The following RAP1A variants were observed in gnomAD, a reference collection of about 807,000 sequenced individuals.
RAP1A encodes the protein RAP1A, member of RAS oncogene family, also known as ras-related protein Rap-1A.
In RAP1A, 6 loss-of-function variants were observed where a neutral mutation model predicts 26.4. The observed-to-expected ratio is 0.23, with a 90% confidence interval of 0.12 to 0.45. RAP1A has a LOEUF of 0.45. Ranked by LOEUF, RAP1A falls within the 20% of genes least tolerant of loss-of-function variation. The pLI is 0.99. For missense variants in RAP1A, 121 were observed against 217.2 expected, an observed-to-expected ratio of 0.56 and a Z score of 2.78; for synonymous variants, 73 against 79.4, an observed-to-expected ratio of 0.92 and a Z score of 0.43.
rs938649365 is a variant in RAP1A at position 111,715,705 on chromosome 1, T to C, written c.*3304T>C. 1 of 152,268 alleles carries C rather than the reference T, an allele frequency of 6.6e-6. No homozygotes were observed. The highest frequency in any genetic ancestry group is 1.9e-4 in the East Asian group (1 of 5,208). The allele number at this position is 152,268 out of a possible 1,614,324, so 9.4% of individuals were successfully genotyped here. ...ACTCCTCACTGAAATATTCTTCTTC[T>C]TTGAGGTTATAATGTACTTGGAAAA... On this transcript the variant is annotated 3_prime_UTR_variant, in exon 8 of 8. Transcript: ENST00000369709.
intron 1 of RAP1A, among the ~76,000 whole-genome samples, chr1:111,626,379 AC>A (rs1659397921): frequency 6.7e-6 from 1 of 148,330 alleles, no homozygotes; most frequent in Non-Finnish European, 1.5e-5. Flanking sequence ...ATACACACAC[AC>A]ACACACACAC....
chr1:111,582,454 C>T (rs1658275851), intron 1 of RAP1A, among the ~76,000 whole-genome samples: 3 of 152,186 alleles, frequency 2.0e-5, no homozygotes, highest in Admixed American at 1.3e-4. Flanking sequence ...ATTCCAAGCA[C>T]AGAGGTGTCT....
intron 1 of RAP1A, among the ~76,000 whole-genome samples, chr1:111,613,503 C>A (rs760209381): frequency 6.6e-6 from 1 of 152,122 alleles, no homozygotes; most frequent in Non-Finnish European, 1.5e-5. Context: ...CCGGCCAGCT[C>A]TTTCATTTCA....
chr1:111,570,574 A>G (rs1314117513), intron 1 of RAP1A, among the ~76,000 whole-genome samples: 1 of 152,126 alleles, frequency 6.6e-6, no homozygotes, highest in Non-Finnish European at 1.5e-5. Context: ...TGCTGCTATA[A>G]AAGAATACCT....
At chr1:111,596,275 G>A (rs1015614910) in intron 1 of RAP1A, among the ~76,000 whole-genome samples, 1 of 152,092 alleles carries the variant, frequency 6.6e-6, no homozygotes, top group African/African-American at 2.4e-5. Context: ...AACAATGGAT[G>A]AGGAACTCTT....
At chr1:111,650,489 C>T (rs1660230428) in intron 1 of RAP1A, 1 of 152,110 alleles carries the variant, frequency 6.6e-6, no homozygotes, top group Non-Finnish European at 1.5e-5. Context: ...CCATGTTAAT[C>T]TTCCCTATAT....
chr1:111,697,000 GT>G (rs1288179861), intron 3 of RAP1A, among the ~76,000 whole-genome samples: 2 of 152,188 alleles, frequency 1.3e-5, no homozygotes, highest in African/African-American at 4.8e-5. Context: ...CTTGAACATG[GT>G]AAGTTGGCAA....
At position 111,658,927 on chromosome 1, in the gene RAP1A, C is replaced by T. The variant is rs555456193; in HGVS notation, c.-27-32407C>T. 1.5e-4 allele frequency among the ~76,000 whole-genome samples: 23 copies of T among 152,266 alleles called. No homozygotes were observed. The South Asian group carries it at 1.9e-3, about 12-fold the overall frequency. On this transcript the variant is annotated intron_variant, in intron 1 of 7. Transcript: ENST00000369709. ...TGTATTTTGACACTGTTGTTAGATG[C>T]ATGCACATTAAGAATTGTTATGTCT...
chr1:111,555,362 T>TAAAAAAAAAAA lies in RAP1A; in HGVS notation c.-28+12872_-28+12882dup, dbSNP rs397981230. Among the ~76,000 whole-genome samples, 24 of 47,640 alleles carry TAAAAAAAAAAA rather than the reference T, an allele frequency of 5.0e-4. 1 individual carries two copies. The highest frequency in any genetic ancestry group is 2.6e-3 in the African/African-American group (22 of 8,386). The allele number at this position is 47,640 out of a possible 152,430, so 31.3% of individuals were successfully genotyped here. On this transcript the variant is annotated intron_variant, in intron 1 of 7. Transcript: ENST00000356415. ...GCCTGGGTGACAGACTGAGACTCTGTAAAAAAAAAAAAAAAAAAAAAAAAA... is the reference window on the plus strand; with the variant it reads ...GCCTGGGTGACAGACTGAGACTCTGTAAAAAAAAAAAAAAAAAAAAAAAAAAAAAAAAAAAA...
intron 1 of RAP1A, among the ~76,000 whole-genome samples, chr1:111,558,942 A>G (rs912782918): frequency 1.3e-5 from 2 of 152,214 alleles, no homozygotes; most frequent in Admixed American, 1.3e-4. Context: ...GTATACTTTT[A>G]TAAAAATCAA....
chr1:111,638,163 T>G (rs1659778622), intron 1 of RAP1A, among the ~76,000 whole-genome samples: 1 of 152,124 alleles, frequency 6.6e-6, no homozygotes. Flanking sequence ...AGCAAGTTGC[T>G]TTTTTGCCTA....
rs1029683890 is a variant in RAP1A, at chr1:111,713,050, T to G, written c.*649T>G. 3.3e-5 allele frequency: 5 copies of G among 152,602 alleles called. No individual in the cohort carries two copies. Among genetic ancestry groups the G allele is most frequent in the African/African-American group, 7.2e-5 (3 of 41,468 alleles). 9.5% of individuals were successfully genotyped at this position (152,602 alleles called of 1,614,324 possible). A position where few individuals can be genotyped will look rare whatever the true frequency, so the allele number is the denominator to read the frequency against. The stretch of plus-strand genomic sequence containing the variant: ...ATACTAAACCAACTCTAATATTGCT[T>G]CTTGTGTTTTACTGTCAGATTAAAT... On this transcript the variant is annotated 3_prime_UTR_variant, in exon 8 of 8. Transcript: ENST00000369709.
At chr1:111,579,597 C>A (rs918356897) in intron 1 of RAP1A, among the ~76,000 whole-genome samples, 2 of 152,128 alleles carry the variant, frequency 1.3e-5, no homozygotes, top group African/African-American at 2.4e-5. Context: ...GGCTCCTCAA[C>A]TTATGATGGG....
At chr1:111,547,257 A>G (rs987243633) in intron 1 of RAP1A, among the ~76,000 whole-genome samples, 71 of 152,072 alleles carry the variant, frequency 4.7e-4, no homozygotes, top group African/African-American at 1.7e-3. Context: ...ATGAGATTGA[A>G]GAATTTCCTT....
chr1:111,709,305 C>T, intron 7 of RAP1A, 41 bp downstream of exon 7: 1 of 1,512,784 alleles, frequency 6.6e-7, no homozygotes, highest in East Asian at 2.4e-5. Context: ...TCTCATGCTC[C>T]TATTTTGGCT....
chr1:111,598,114 GATT>G (rs1176895704), intron 1 of RAP1A, among the ~76,000 whole-genome samples: 4 of 152,106 alleles, frequency 2.6e-5, no homozygotes, highest in African/African-American at 9.7e-5. Flanking sequence ...ACTTGCTCAA[GATT>G]ATATAACTTA....
upstream of RAP1A, among the ~76,000 whole-genome samples, chr1:111,615,676 A>C (rs1658999433): frequency 6.6e-6 from 1 of 151,842 alleles, no homozygotes; most frequent in Non-Finnish European, 1.5e-5. Flanking sequence ...ACTAAAAATA[A>C]AAAAATTAGC....
At chr1:111,638,267 A>G (rs1275853197) in intron 1 of RAP1A, among the ~76,000 whole-genome samples, 1 of 152,116 alleles carries the variant, frequency 6.6e-6, no homozygotes, top group African/African-American at 2.4e-5. Context: ...TAATTTGTCC[A>G]TTCTTCTACG....
chr1:111,676,401 C>T (rs1024766240), intron 1 of RAP1A, among the ~76,000 whole-genome samples: 9 of 151,814 alleles, frequency 5.9e-5, no homozygotes, highest in African/African-American at 1.2e-4. Context: ...CAGAGCCAAA[C>T]CATATCAGTA....
Sources: gnomAD v4.1 joint callset for allele counts (sites outside exome capture counted in the v4.1 genomes callset) on GRCh38, gnomAD v4.1.1 for gene constraint, MANE v1.5 for transcripts, NCBI Gene and HGNC (gene_info 2026-07-23, HGNC 2026-07-21) for gene names.